SAMSN1: variants seen among roughly 807,000 people sequenced by gnomAD.
SAMSN1 encodes SAM domain, SH3 domain and nuclear localization signals 1, also known as SAM domain-containing protein SAMSN-1.
Under a neutral mutation model 42.0 loss-of-function variants are expected in SAMSN1, and 31 were observed. That is an observed-to-expected ratio of 0.74 (90% CI 0.55 to 1.00). The LOEUF (loss-of-function observed/expected upper bound fraction) is 1.00, where lower values mean the gene tolerates loss of function less well. Among genes scored for constraint, SAMSN1 ranks in the 50% least tolerant of loss-of-function variants. The pLI is 0.00. For synonymous variants in SAMSN1, 178 were observed against 151.9 expected, an observed-to-expected ratio of 1.17 and a Z score of -1.26; for missense variants, 464 against 439.4, an observed-to-expected ratio of 1.06 and a Z score of -0.50.
At chr21:14,610,752 C>T (rs1484461571) in intron 4 of SAMSN1, among the ~76,000 whole-genome samples, 1 of 152,176 alleles carries the variant, frequency 6.6e-6, no homozygotes, top group African/African-American at 2.4e-5. Context: ...GCGGGTTCCC[C>T]CATATCAGGG....
At chr21:14,571,299 T>C (rs1025769212) in intron 2 of SAMSN1, among the ~76,000 whole-genome samples, 3 of 152,240 alleles carry the variant, frequency 2.0e-5, no homozygotes, top group African/African-American at 7.2e-5. Flanking sequence ...AAATCAGTTC[T>C]TGATTTTAAC....
intron 2 of SAMSN1, among the ~76,000 whole-genome samples, chr21:14,572,681 C>T (rs576001840): frequency 6.6e-6 from 1 of 152,106 alleles, no homozygotes; most frequent in Non-Finnish European, 1.5e-5. Context: ...TTATATTGCA[C>T]CTTGAAGGCA....
At chr21:14,583,460 G>A (rs1981821226), upstream of SAMSN1, 1 of 532,888 alleles carries the variant, frequency 1.9e-6, no homozygotes, top group Non-Finnish European at 3.3e-6. Flanking sequence ...GGAGAAACGG[G>A]GCGGTGCATA....
At chr21:14,587,763 A>AT (rs879944460), upstream of SAMSN1, among the ~76,000 whole-genome samples, 1 of 150,504 alleles carries the variant, frequency 6.6e-6, no homozygotes, top group South Asian at 2.1e-4. Flanking sequence ...TTATTTATTT[A>AT]TTTTTTAAAT....
At position 14,516,971 on chromosome 21, in the gene SAMSN1, C is replaced by G. The variant is rs1439250076; in HGVS notation, c.200G>C (p.Gly67Ala). 5 of 1,612,994 alleles carry G rather than the reference C, an allele frequency of 3.1e-6. No homozygotes were observed. The highest frequency in any genetic ancestry group is 3.4e-6 in the Non-Finnish European group (4 of 1,179,478). ...CCATGAAATAGCTCTCATTTTTTTACCCAAACCGCCTCCATTATTTGAAGT... is the reference window on the plus strand; with the variant it reads ...CCATGAAATAGCTCTCATTTTTTTAGCCAAACCGCCTCCATTATTTGAAGT... Reference protein sequence around the residue: ...SKTSNNGGGLGKKMRAISWTM... With the variant: ...SKTSNNGGGLAKKMRAISWTM... Residue 67 changes from glycine (G) to alanine (A), a missense_variant, in exon 3 of 8, where the codon GGT becomes GCT. Physicochemically the swap from Gly to Ala is moderately conservative, Grantham distance 60. Coordinates refer to ENST00000400566, the MANE Select transcript of SAMSN1 (RefSeq NM_022136.5).
intron 7 of SAMSN1, among the ~76,000 whole-genome samples, chr21:14,489,109 T>C (rs1379742568): frequency 1.3e-5 from 2 of 152,158 alleles, no homozygotes; most frequent in Non-Finnish European, 2.9e-5. Context: ...ATTTTCTTTC[T>C]AAGTCATTTA....
intron 1 of SAMSN1, among the ~76,000 whole-genome samples, chr21:14,540,054 T>C (rs1979908019): frequency 6.6e-6 from 1 of 152,204 alleles, no homozygotes; most frequent in Non-Finnish European, 1.5e-5. Context: ...GGATTCCCTA[T>C]TTAATAAATG....
chr21:14,506,654 C>A (rs2123708650), intron 5 of SAMSN1, among the ~76,000 whole-genome samples: 1 of 152,168 alleles, frequency 6.6e-6, no homozygotes, highest in Admixed American at 6.5e-5. Context: ...CACTATCCCA[C>A]AAGATAGAGA....
At chr21:14,549,903 C>T (rs1273550379), upstream of SAMSN1, among the ~76,000 whole-genome samples, 1 of 151,326 alleles carries the variant, frequency 6.6e-6, no homozygotes, top group African/African-American at 2.4e-5. Context: ...TTTGGGGTTT[C>T]ACGGAAGTGG....
At chr21:14,505,115 C>T (rs1337090966) in intron 5 of SAMSN1, among the ~76,000 whole-genome samples, 1 of 152,128 alleles carries the variant, frequency 6.6e-6, no homozygotes, top group African/African-American at 2.4e-5. Context: ...CCTGGAAACA[C>T]ATCAAAACAG....
At chr21:14,486,574 G>A (rs1045141617) in intron 7 of SAMSN1, among the ~76,000 whole-genome samples, 2 of 152,130 alleles carry the variant, frequency 1.3e-5, no homozygotes, top group African/African-American at 4.8e-5. Context: ...TGATAATCTA[G>A]ATTAATTAAT....
At chr21:14,648,247 A>C (rs1017285708) in intron 1 of SAMSN1, among the ~76,000 whole-genome samples, 1 of 152,184 alleles carries the variant, frequency 6.6e-6, no homozygotes, top group African/African-American at 2.4e-5. Flanking sequence ...TCCCTTCCTT[A>C]CACCTTATCC....
chr21:14,584,658 T>C (rs1382874976), upstream of SAMSN1, among the ~76,000 whole-genome samples: 2 of 152,238 alleles, frequency 1.3e-5, no homozygotes, highest in African/African-American at 4.8e-5. Context: ...CATATAGGAA[T>C]ACTTTTTCAT....
At chr21:14,563,618 T>G (rs898809257) in intron 2 of SAMSN1, among the ~76,000 whole-genome samples, 1 of 152,162 alleles carries the variant, frequency 6.6e-6, no homozygotes, top group Non-Finnish European at 1.5e-5. Flanking sequence ...ACAAATGTAG[T>G]GTAGTCTTAC....
intron 1 of SAMSN1, among the ~76,000 whole-genome samples, chr21:14,525,958 G>A (rs1041234856): frequency 1.3e-5 from 2 of 152,046 alleles, no homozygotes; most frequent in Non-Finnish European, 2.9e-5. Flanking sequence ...TTCACCTCCT[G>A]GATTGAAGCG....
intron 3 of SAMSN1, among the ~76,000 whole-genome samples, chr21:14,514,918 G>A (rs1987837125): frequency 6.6e-6 from 1 of 152,122 alleles, no homozygotes; most frequent in Admixed American, 6.6e-5. Flanking sequence ...ACAAAATCAT[G>A]AGAGTAGATG....
At chr21:14,564,754 T>C (rs1981056254) in intron 2 of SAMSN1, among the ~76,000 whole-genome samples, 1 of 152,172 alleles carries the variant, frequency 6.6e-6, no homozygotes, top group African/African-American at 2.4e-5. Context: ...ACTTTGTAAT[T>C]CCTTTCCAAG....
chr21:14,595,177 C>A (rs1451505830), intron 6 of SAMSN1, among the ~76,000 whole-genome samples: 1 of 152,160 alleles, frequency 6.6e-6, no homozygotes, highest in African/African-American at 2.4e-5. Flanking sequence ...GCCCCACCTA[C>A]AACACCAGGA....
intron 5 of SAMSN1, among the ~76,000 whole-genome samples, chr21:14,506,267 T>G (rs8131837): frequency 0.058 from 8,800 of 152,044 alleles, 786 homozygotes; most frequent in African/African-American, 0.19. Flanking sequence ...ATATGAAAGA[T>G]AAATGAAACA....
Sources: gnomAD v4.1 joint callset for allele counts (sites outside exome capture counted in the v4.1 genomes callset) on GRCh38, gnomAD v4.1.1 for gene constraint, MANE v1.5 for transcripts, NCBI Gene and HGNC (gene_info 2026-07-23, HGNC 2026-07-21) for gene names.